Variants in MMP16 observed in about 807,000 individuals in gnomAD.
MMP16 encodes matrix metalloproteinase-16.
MMP16 carries 12 observed loss-of-function variants against 67.8 expected under a neutral mutation model. The ratio of observed to expected loss-of-function variants is 0.18; its 90% CI spans 0.11 to 0.29. MMP16 has a LOEUF of 0.29. Among genes scored for constraint, MMP16 ranks in the 10% least tolerant of loss-of-function variants. The pLI is 1.00. For missense variants in MMP16, 475 were observed against 765.7 expected (o/e 0.62, Z 4.48); for synonymous variants, 249 against 255.9 (o/e 0.97, Z 0.26).
At chr8:88,144,279 A>T (rs574106437) in intron 4 of MMP16, among the ~76,000 whole-genome samples, 92 of 152,120 alleles carry the variant, frequency 6.0e-4, no homozygotes, top group Non-Finnish European at 1.2e-3. Flanking sequence ...GACATTTAAT[A>T]ACAAAATTAA....
At chr8:88,315,364 C>T (rs73692225) in intron 1 of MMP16, among the ~76,000 whole-genome samples, 20,423 of 151,846 alleles carry the variant, frequency 0.13, 1,849 homozygotes, top group African/African-American at 0.24. Context: ...TTTTTAACAC[C>T]TACCAAATTT....
intron 1 of MMP16, among the ~76,000 whole-genome samples, chr8:88,305,933 G>C (rs1313258328): frequency 6.7e-6 from 1 of 149,660 alleles, no homozygotes; most frequent in Non-Finnish European, 1.5e-5. Context: ...ATATAATCAA[G>C]ACTAGAGCTG....
At chr8:88,232,568 C>G (rs2129876647) in intron 1 of MMP16, among the ~76,000 whole-genome samples, 1 of 152,216 alleles carries the variant, frequency 6.6e-6, no homozygotes, top group South Asian at 2.1e-4. Context: ...CATAGACAAA[C>G]AGAATCACAT....
At chr8:88,066,059 T>C (rs1037594851) in intron 7 of MMP16, among the ~76,000 whole-genome samples, 2 of 152,138 alleles carry the variant, frequency 1.3e-5, no homozygotes, top group Admixed American at 6.6e-5. Flanking sequence ...TAATAAGTAC[T>C]GCTTAAAGTT....
At chr8:88,174,726 A>G (rs1179184436) in intron 3 of MMP16, among the ~76,000 whole-genome samples, 1 of 150,582 alleles carries the variant, frequency 6.6e-6, no homozygotes, top group Non-Finnish European at 1.5e-5. Context: ...CCACATGCAG[A>G]CTGCTTTCCA....
chr8:88,236,243 A>C (rs183334119), intron 1 of MMP16, among the ~76,000 whole-genome samples: 1 of 152,354 alleles, frequency 6.6e-6, no homozygotes, highest in East Asian at 1.9e-4. Flanking sequence ...AGAGTCCAAA[A>C]GTCTGCAGCG....
chr8:88,089,868 G>T (rs1808905187), intron 6 of MMP16, among the ~76,000 whole-genome samples: 1 of 151,904 alleles, frequency 6.6e-6, no homozygotes, highest in Admixed American at 6.6e-5. Context: ...AAAAAAATCA[G>T]ATTAGGTTCC....
intron 6 of MMP16, among the ~76,000 whole-genome samples, chr8:88,088,197 G>T (rs1808875143): frequency 6.7e-6 from 1 of 148,704 alleles, no homozygotes; most frequent in African/African-American, 2.5e-5. Context: ...CCCACAAAAT[G>T]GTGAGCAAAT....
intron 2 of MMP16, among the ~76,000 whole-genome samples, chr8:88,193,691 A>G (rs1809206366): frequency 6.6e-6 from 1 of 152,024 alleles, no homozygotes; most frequent in South Asian, 2.1e-4. Flanking sequence ...TCAAAACATA[A>G]CAAGTACCCT....
At position 88,041,648 on chromosome 8, in the gene MMP16, G is replaced by T; in HGVS notation, c.1637C>A (p.Pro546Gln). 2 of 1,614,110 alleles carry T rather than the reference G, an allele frequency of 1.2e-6. No homozygotes were observed. Among genetic ancestry groups the T allele is most frequent in the Non-Finnish European group, 1.7e-6 (2 of 1,180,006 alleles). ...TDRVKEGHSP[P>Q]DDVDIVIKLD... is the part of the protein sequence containing the mutation. ...TTTGATGACAATGTCTACATCATCT[G>T]GTGGGCTGTGTCCTTCTTTAACTCT... Residue 546 changes from proline (P) to glutamine (Q), a missense_variant, in exon 10 of 10, where the codon CCA becomes CAA. Around this residue, in one of 5 missense-constraint regions of MMP16, gnomAD observed 80 missense variants for 93.4 expected, o/e 0.86. Transcript: ENST00000286614. This position sits in a 1 kb window ranked among gnomAD's most constrained non-coding sequence, Gnocchi z 6.0.
Position 88,041,482 on chromosome 8 carries a change from G to A in MMP16, c.1803C>T (p.Arg601=). The change falls in exon 10 of 10, where the codon CGC becomes CGT. Residue 601 remains arginine, a synonymous_variant. Coordinates refer to ENST00000286614, the MANE Select transcript of MMP16 (RefSeq NM_005941.5). This position sits in a 1 kb window ranked among gnomAD's most constrained non-coding sequence, Gnocchi z 6.0. ...GTPRHILYCK[R]SMQEWV ...TACATCACACCCACTCTTGCATAGA[G>A]CGTTTACAGTACAGTATGTGGCGGG... The A allele has an allele frequency of 6.2e-7, 1 of 1,613,918 alleles. No individual in the cohort carries two copies. Among genetic ancestry groups the A allele is most frequent in the Non-Finnish European group, 8.5e-7 (1 of 1,179,842 alleles).
intron 1 of MMP16, among the ~76,000 whole-genome samples, chr8:88,297,705 C>T (rs1245781394): frequency 3.9e-5 from 6 of 152,276 alleles, no homozygotes; most frequent in Middle Eastern, 3.4e-3. Flanking sequence ...ATCCAGTTCT[C>T]GCTTTCACAT....
intron 4 of MMP16, among the ~76,000 whole-genome samples, chr8:88,145,813 C>T (rs1157984463): frequency 6.6e-6 from 1 of 151,828 alleles, no homozygotes; most frequent in Non-Finnish European, 1.5e-5. Context: ...GATGATTTTA[C>T]CTCCTAGGGG....
rs563716034 is a variant in MMP16 at position 88,143,513 on chromosome 8, T to A, written c.709+24156A>T. ...CTAAAAGTTTATTCTGTAAAGTACA[T>A]CACCTCTAGTTTGATTTTATTTATT... On this transcript the variant is annotated intron_variant, in intron 4 of 9. Coordinates refer to ENST00000286614, the MANE Select transcript of MMP16 (RefSeq NM_005941.5). Among the ~76,000 whole-genome samples the A allele has an allele frequency of 3.3e-5, 5 of 152,234 alleles. No homozygotes were observed. In the South Asian group the frequency reaches 1.0e-3, roughly 32 times the overall value.
intron 6 of MMP16, among the ~76,000 whole-genome samples, chr8:88,077,134 G>A (rs1808664442): frequency 6.6e-6 from 1 of 152,160 alleles, no homozygotes; most frequent in African/African-American, 2.4e-5. Context: ...GAATTCCACT[G>A]GTTTTTGTTG....
intron 1 of MMP16, among the ~76,000 whole-genome samples, chr8:88,317,350 C>G (rs1391818730): frequency 1.3e-5 from 2 of 152,172 alleles, no homozygotes; most frequent in Non-Finnish European, 2.9e-5. Context: ...CAGCAGTCAG[C>G]AGCATCAAGG....
chr8:88,157,678 T>A (rs569921374), intron 4 of MMP16, among the ~76,000 whole-genome samples: 10 of 152,126 alleles, frequency 6.6e-5, no homozygotes, highest in Non-Finnish European at 1.3e-4. Context: ...TTTTATTTTA[T>A]CTTTTTATTA....
chr8:88,202,603 A>G (rs1462196591), intron 1 of MMP16, among the ~76,000 whole-genome samples: 1 of 151,880 alleles, frequency 6.6e-6, no homozygotes, highest in East Asian at 1.9e-4. Flanking sequence ...AGTTGTTTAG[A>G]TTTTTTAAAG....
chr8:88,104,269 T>C (rs901223677), intron 6 of MMP16, among the ~76,000 whole-genome samples: 1 of 151,792 alleles, frequency 6.6e-6, no homozygotes, highest in Non-Finnish European at 1.5e-5. Flanking sequence ...ATAAAATTCA[T>C]GACATAAAAT....
Sources: allele counts gnomAD v4.1 joint callset (sites outside exome capture counted in the v4.1 genomes callset), GRCh38; gene constraint gnomAD v4.1.1; regional missense constraint gnomAD v4.1.1; non-coding constraint Gnocchi (gnomAD v3.1); transcripts MANE v1.5; gene names NCBI Gene and HGNC (gene_info 2026-07-23, HGNC 2026-07-21).